Variants in AGBL4 observed in about 807,000 individuals in gnomAD.
AGBL4 encodes the protein AGBL carboxypeptidase 4, also known as cytosolic carboxypeptidase 6.
In AGBL4, 58 loss-of-function variants were observed where a neutral mutation model predicts 66.4. That is an observed-to-expected ratio of 0.87 (90% CI 0.71 to 1.09). AGBL4 has a LOEUF of 1.09. Among genes scored for constraint, AGBL4 ranks in the 50% least tolerant of loss-of-function variants. AGBL4 has a pLI of 0.00. For synonymous variants in AGBL4, 234 were observed against 222.9 expected (o/e 1.05, Z -0.44); for missense variants, 579 against 631.0 (o/e 0.92, Z 0.88).
At chr1:48,597,827 G>A in intron 9 of AGBL4, among the ~76,000 whole-genome samples, 1 of 141,090 alleles carries the variant, frequency 7.1e-6, no homozygotes. Context: ...GAAAGAAAGA[G>A]AAAGAGAGAA....
intron 1 of AGBL4, among the ~76,000 whole-genome samples, chr1:49,856,179 G>C (rs773543478): frequency 1.3e-5 from 2 of 151,902 alleles, no homozygotes; most frequent in Admixed American, 6.6e-5. Context: ...AACCTATAAA[G>C]ACTGAACCAG....
chr1:48,671,008 C>T (rs7514068), intron 6 of AGBL4, among the ~76,000 whole-genome samples: 1,929 of 152,312 alleles, frequency 0.013, 18 homozygotes, highest in African/African-American at 0.021. Flanking sequence ...TTTGAGGAGG[C>T]AAGGGGGCTG....
At chr1:49,382,824 T>C (rs1190610360) in intron 3 of AGBL4, among the ~76,000 whole-genome samples, 1 of 152,106 alleles carries the variant, frequency 6.6e-6, no homozygotes, top group African/African-American at 2.4e-5. Context: ...AAGTTGCAGA[T>C]ACAAAATCAA....
At chr1:50,017,170 G>C (rs1662050138) in intron 1 of AGBL4, 1 of 151,946 alleles carries the variant, frequency 6.6e-6, no homozygotes, top group Non-Finnish European at 1.5e-5. Context: ...TCTCATGATA[G>C]CTATCATTTC....
chr1:48,843,807 G>A (rs988281682), intron 6 of AGBL4, among the ~76,000 whole-genome samples: 7 of 152,030 alleles, frequency 4.6e-5, no homozygotes, highest in Non-Finnish European at 7.3e-5. Context: ...GAGTCCTGGT[G>A]AGATAATAGA....
At chr1:48,847,470 C>A (rs1406869262) in intron 6 of AGBL4, among the ~76,000 whole-genome samples, 1 of 151,472 alleles carries the variant, frequency 6.6e-6, no homozygotes, top group Non-Finnish European at 1.5e-5. Flanking sequence ...TGAATCTCAG[C>A]TGGGTGATCC....
At chr1:49,397,353 T>C (rs1212826022) in intron 3 of AGBL4, among the ~76,000 whole-genome samples, 1 of 152,102 alleles carries the variant, frequency 6.6e-6, no homozygotes, top group African/African-American at 2.4e-5. Flanking sequence ...TAAGCATGCA[T>C]GCATCTTTAG....
downstream of AGBL4, among the ~76,000 whole-genome samples, chr1:48,528,541 C>A (rs1398729867): frequency 6.6e-6 from 1 of 151,984 alleles, no homozygotes; most frequent in Non-Finnish European, 1.5e-5. Flanking sequence ...AACCGAGAGA[C>A]AGAGAGGTGT....
At chr1:49,212,681 A>G (rs1434721970) in intron 4 of AGBL4, among the ~76,000 whole-genome samples, 1 of 152,132 alleles carries the variant, frequency 6.6e-6, no homozygotes, top group Non-Finnish European at 1.5e-5. Flanking sequence ...ATACTCTCTC[A>G]GATCACTGAT....
intron 2 of AGBL4, among the ~76,000 whole-genome samples, chr1:49,724,703 G>A (rs748614364): frequency 1.2e-4 from 18 of 152,066 alleles, no homozygotes; most frequent in Non-Finnish European, 1.3e-4. Context: ...AGTTAAATGA[G>A]GTTATAAGGG....
At chr1:49,329,169 T>C (rs1645280906) in intron 3 of AGBL4, among the ~76,000 whole-genome samples, 1 of 149,660 alleles carries the variant, frequency 6.7e-6, no homozygotes, top group South Asian at 2.1e-4. Context: ...TAGCCAGGCA[T>C]GGTGGCACAC....
At chr1:49,931,291 A>G (rs1406290407) in intron 1 of AGBL4, among the ~76,000 whole-genome samples, 1 of 152,222 alleles carries the variant, frequency 6.6e-6, no homozygotes, top group Non-Finnish European at 1.5e-5. Context: ...ATGAGTTGAA[A>G]GAATATTGTT....
intron 3 of AGBL4, among the ~76,000 whole-genome samples, chr1:49,693,197 T>C (rs1368337348): frequency 1.3e-5 from 2 of 152,198 alleles, no homozygotes; most frequent in Non-Finnish European, 2.9e-5. Flanking sequence ...GTATAAACTT[T>C]CTGGCATCAA....
At chr1:49,055,656 G>T (rs1285077886) in intron 4 of AGBL4, among the ~76,000 whole-genome samples, 3 of 151,988 alleles carry the variant, frequency 2.0e-5, no homozygotes, top group Non-Finnish European at 2.9e-5. Context: ...GTTAGATATA[G>T]GTGTAGCTAA....
chr1:48,691,281 T>C (rs557341827), intron 6 of AGBL4, among the ~76,000 whole-genome samples: 2 of 151,640 alleles, frequency 1.3e-5, no homozygotes, highest in African/African-American at 2.4e-5. Flanking sequence ...ATTAGTGAGA[T>C]AGTTATATTT....
chr1:48,603,955 C>T (rs1363211927), intron 9 of AGBL4, among the ~76,000 whole-genome samples: 2 of 151,702 alleles, frequency 1.3e-5, no homozygotes, highest in Non-Finnish European at 2.9e-5. Flanking sequence ...AACAAAACAA[C>T]AACAACAACA....
At chr1:49,761,645 A>C (rs1185472444) in intron 2 of AGBL4, among the ~76,000 whole-genome samples, 2 of 152,232 alleles carry the variant, frequency 1.3e-5, no homozygotes, top group African/African-American at 4.8e-5. Flanking sequence ...CATAATGTTC[A>C]AATCGGGGTT....
intron 3 of AGBL4, among the ~76,000 whole-genome samples, chr1:49,640,571 C>T (rs1187218897): frequency 6.6e-6 from 1 of 152,072 alleles, no homozygotes. Flanking sequence ...AAACTTAAAA[C>T]AATTGAAATT....
chr1:49,918,239 C>T (rs575193086), intron 1 of AGBL4, among the ~76,000 whole-genome samples: 7 of 152,134 alleles, frequency 4.6e-5, no homozygotes, highest in East Asian at 1.9e-4. Flanking sequence ...AAGATCAGAG[C>T]AGCACTGAAG....
Sources: allele counts gnomAD v4.1 joint callset (sites outside exome capture counted in the v4.1 genomes callset), GRCh38; gene constraint gnomAD v4.1.1; transcripts MANE v1.5; gene names NCBI Gene and HGNC (gene_info 2026-07-23, HGNC 2026-07-21).